DUSP19: variants seen among roughly 807,000 people sequenced by gnomAD.
DUSP19 encodes dual specificity phosphatase 19.
A neutral mutation model predicts 16.6 loss-of-function variants in DUSP19; 14 were observed. The ratio of observed to expected loss-of-function variants is 0.84; its 90% CI spans 0.56 to 1.32. The LOEUF (loss-of-function observed/expected upper bound fraction) is 1.32. DUSP19 is among the 40% of genes most tolerant of loss of function. DUSP19 has a pLI of 0.00. For missense variants in DUSP19, 258 were observed against 255.9 expected (o/e 1.01, Z -0.06); for synonymous variants, 81 against 90.5 (o/e 0.90, Z 0.59).
chr2:183,095,593 C>T lies in DUSP19; in HGVS notation c.589C>T (p.Leu197Phe). The change falls in exon 4 of 4, where the codon CTT becomes TTT. Residue 197 changes from leucine to phenylalanine, a missense_variant. Coordinates refer to ENST00000354221, the MANE Select transcript of DUSP19 (RefSeq NM_080876.4). ...ICPNSGFMEQLRTYQEGKESN... is the reference protein window; with the variant it reads ...ICPNSGFMEQFRTYQEGKESN... ...TCCAAATTCTGGCTTCATGGAGCAG[C>T]TTCGTACATATCAAGAGGGCAAAGA... 1 of 1,613,906 alleles carries T rather than the reference C, an allele frequency of 6.2e-7. No individual in the cohort carries two copies. The highest frequency in any genetic ancestry group is 1.1e-5 in the South Asian group (1 of 91,062).
chr2:183,090,065 T>C (rs1699713429), intron 3 of DUSP19, among the ~76,000 whole-genome samples: 1 of 152,246 alleles, frequency 6.6e-6, no homozygotes, highest in Non-Finnish European at 1.5e-5. Flanking sequence ...TGAGCCACCA[T>C]GCCTGGAAGG....
intron 1 of DUSP19, 63 bp downstream of exon 1, chr2:183,079,222 C>T: frequency 6.9e-7 from 1 of 1,458,598 alleles, no homozygotes; most frequent in Non-Finnish European, 9.4e-7. Context: ...TTCTCATTTT[C>T]CCCCTTTATG....
chr2:183,085,866 T>G (rs1328377527), intron 2 of DUSP19, among the ~76,000 whole-genome samples: 2 of 128,792 alleles, frequency 1.6e-5, no homozygotes, highest in African/African-American at 2.9e-5. Context: ...TTTTTTTTTT[T>G]TTTTTTTTTT....
chr2:183,082,209 T>G (rs937991661), intron 1 of DUSP19, among the ~76,000 whole-genome samples: 1 of 152,142 alleles, frequency 6.6e-6, no homozygotes, highest in Non-Finnish European at 1.5e-5. Flanking sequence ...TATCCTTTTT[T>G]AAGTTACAAA....
Position 183,097,758 on chromosome 2 carries a change from T to C in DUSP19, c.*2100T>C, listed in dbSNP as rs1699821975. On this transcript the variant is annotated 3_prime_UTR_variant, in exon 4 of 4. Transcript: ENST00000354221. Reference sequence around the variant, plus strand: ...AGCCTTCTCCTTTCATAAGAAAGGATGTATTTAAATACATTTTATTTTGCT... The same window carrying C: ...AGCCTTCTCCTTTCATAAGAAAGGACGTATTTAAATACATTTTATTTTGCT... 2 of 152,220 alleles carry C rather than the reference T, an allele frequency of 1.3e-5. No individual in the cohort carries two copies. Among genetic ancestry groups the C allele is most frequent in the East Asian group, 1.9e-4 (1 of 5,200 alleles). 9.4% of individuals were successfully genotyped at this position (152,220 alleles called of 1,614,324 possible). A position where few individuals can be genotyped will look rare whatever the true frequency, so the allele number is the denominator to read the frequency against.
intron 3 of DUSP19, among the ~76,000 whole-genome samples, chr2:183,093,334 T>A (rs570161531): frequency 1.0e-3 from 159 of 152,308 alleles, no homozygotes; most frequent in African/African-American, 3.7e-3. Flanking sequence ...AACTACTATA[T>A]GCCAAGAATT....
intron 3 of DUSP19, among the ~76,000 whole-genome samples, chr2:183,087,854 A>T (rs765746405): frequency 2.3e-4 from 35 of 152,232 alleles, no homozygotes; most frequent in Middle Eastern, 3.4e-3. Context: ...ACTCTGGCCT[A>T]CCTTCTCTCC....
In DUSP19 at chr2:183,098,022, G is replaced by C. The variant is rs191214987; in HGVS notation, c.*2364G>C. On this transcript the variant is annotated 3_prime_UTR_variant, in exon 4 of 4. Coordinates refer to ENST00000354221, the MANE Select transcript of DUSP19 (RefSeq NM_080876.4). ...TTCTCCTGTATCAGCCTCCCAAGTA[G>C]CTGGGATTATAGGCATGTGCCACCA... The C allele has an allele frequency of 2.0e-5, 3 of 152,328 alleles. No individual in the cohort carries two copies. Among genetic ancestry groups the C allele is most frequent in the Admixed American group, 2.0e-4 (3 of 15,286 alleles). 9.4% of individuals were successfully genotyped at this position (152,328 alleles called of 1,614,324 possible).
In DUSP19 at chr2:183,096,522, C is replaced by T. The variant is rs941310249; in HGVS notation, c.*864C>T. The T allele has an allele frequency of 4.6e-5, 7 of 151,896 alleles. No homozygotes were observed. Among genetic ancestry groups the T allele is most frequent in the Admixed American group, 3.9e-4 (6 of 15,230 alleles). The allele number at this position is 151,896 out of a possible 1,614,324, so 9.4% of individuals were successfully genotyped here. ...AAATACTGGGATTACAGGCGTGAGC[C>T]ACTGCATCCGACCTCATTTTGTTTT... On this transcript the variant is annotated 3_prime_UTR_variant, in exon 4 of 4. Coordinates refer to ENST00000354221, the MANE Select transcript of DUSP19 (RefSeq NM_080876.4).
Position 183,082,492 on chromosome 2 carries a change from T to C in DUSP19, c.227-1016T>C, listed in dbSNP as rs1242084416. Among the ~76,000 whole-genome samples the C allele has an allele frequency of 3.4e-5, 5 of 148,076 alleles. No homozygotes were observed. In the East Asian group the frequency reaches 8.1e-4, roughly 24 times the overall value. On this transcript the variant is annotated intron_variant, in intron 1 of 3. Transcript: ENST00000354221. ...AGGCTGGAGTGCAGTGGCACGATCT[T>C]GGCTCACTGCAACCTCTGCCTCCCA...
Position 183,095,625 on chromosome 2 carries a change from T to A in DUSP19, c.621T>A (p.Asn207Lys). 6.2e-7 allele frequency: 1 copy of A among 1,613,966 alleles called. No homozygotes were observed. Among genetic ancestry groups the A allele is most frequent in the East Asian group, 2.2e-5 (1 of 44,874 alleles). The change falls in exon 4 of 4, where the codon AAT becomes AAA. Residue 207 changes from asparagine (N) to lysine (K), a missense_variant. Physicochemically the swap from Asn to Lys is moderately conservative, Grantham distance 94. Coordinates refer to ENST00000354221, the MANE Select transcript of DUSP19 (RefSeq NM_080876.4). ...LRTYQEGKES[N>K]KCDRIQENSS The stretch of plus-strand genomic sequence containing the variant: ...CATATCAAGAGGGCAAAGAAAGCAA[T>A]AAGTGTGACAGAATACAGGAGAACA...
At chr2:183,081,887 TA>T (rs199715327) in intron 1 of DUSP19, among the ~76,000 whole-genome samples, 236 of 144,108 alleles carry the variant, frequency 1.6e-3, no homozygotes, top group African/African-American at 1.3e-3. Flanking sequence ...ATGGGTAACT[TA>T]AAAAAAAAAA....
Position 183,095,416 on chromosome 2 carries a change from T to G in DUSP19, c.427-15T>G, listed in dbSNP as rs1404523374. The G allele has an allele frequency of 4.2e-6, 4 of 961,964 alleles. No individual in the cohort carries two copies. Among genetic ancestry groups the G allele is most frequent in the Admixed American group, 3.0e-5 (1 of 33,108 alleles). 59.6% of individuals were successfully genotyped at this position (961,964 alleles called of 1,614,324 possible). A position where few individuals can be genotyped will look rare whatever the true frequency, so the allele number is the denominator to read the frequency against. ...AATGAATAATGAAGATTTTTGTTTG[T>G]TTTTTTTTTTGTAGGATGGAGTGGT... is the stretch of plus-strand genomic sequence containing the variant. On this transcript the variant is annotated splice_polypyrimidine_tract_variant and intron_variant, in intron 3 of 3. Coordinates refer to ENST00000354221, the MANE Select transcript of DUSP19 (RefSeq NM_080876.4).
At position 183,095,777 on chromosome 2, in the gene DUSP19, C is replaced by T; in HGVS notation, c.*119C>T. 1 of 697,990 alleles carries T rather than the reference C, an allele frequency of 1.4e-6. No homozygotes were observed. Among genetic ancestry groups the T allele is most frequent in the Non-Finnish European group, 2.3e-6 (1 of 428,664 alleles). The allele number at this position is 697,990 out of a possible 1,614,324, so 43.2% of individuals were successfully genotyped here. A position where few individuals can be genotyped will look rare whatever the true frequency, so the allele number is the denominator to read the frequency against. ...CCTTTTTTCTCTTGCCTTTTTTATG[C>T]ATAAATGGAGGTCAATTTGATTGTC... is the stretch of plus-strand genomic sequence containing the variant. On this transcript the variant is annotated 3_prime_UTR_variant, in exon 4 of 4. Transcript: ENST00000354221.
intron 1 of DUSP19, among the ~76,000 whole-genome samples, chr2:183,080,141 T>C (rs1296866582): frequency 3.9e-5 from 6 of 152,220 alleles, no homozygotes; most frequent in Non-Finnish European, 8.8e-5. Flanking sequence ...TGCTGTCCAT[T>C]GTTATACTAG....
Position 183,078,808 on chromosome 2 carries a change from G to C in DUSP19, c.-126G>C, listed in dbSNP as rs2105493379. The C allele has an allele frequency of 1.3e-6, 1 of 785,382 alleles. No individual in the cohort carries two copies. The highest frequency in any genetic ancestry group is 1.7e-5 in the African/African-American group (1 of 57,686). The allele number at this position is 785,382 out of a possible 1,614,324, so 48.7% of individuals were successfully genotyped here. On this transcript the variant is annotated 5_prime_UTR_variant, in exon 1 of 4. Coordinates refer to ENST00000354221, the MANE Select transcript of DUSP19 (RefSeq NM_080876.4). ...CAGTCTCTTGGTCTGTGGCTGCTGC[G>C]GTTACCTGGATGGGCGAGCACCTCT... is the stretch of plus-strand genomic sequence containing the variant.
rs1323232588 is a variant in DUSP19, at chr2:183,098,959, G to A, written c.*3301G>A. Reference sequence around the variant, plus strand: ...AGACAAATATTTCAGAGGAAGTGGAGTACAGTATTTAACATTTTGTTTGCA... The same window carrying A: ...AGACAAATATTTCAGAGGAAGTGGAATACAGTATTTAACATTTTGTTTGCA... On this transcript the variant is annotated 3_prime_UTR_variant, in exon 4 of 4. Coordinates refer to ENST00000354221, the MANE Select transcript of DUSP19 (RefSeq NM_080876.4). 6.6e-6 allele frequency: 1 copy of A among 152,066 alleles called. No individual in the cohort carries two copies. The highest frequency in any genetic ancestry group is 1.5e-5 in the Non-Finnish European group (1 of 67,964). 9.4% of individuals were successfully genotyped at this position (152,066 alleles called of 1,614,324 possible). A position where few individuals can be genotyped will look rare whatever the true frequency, so the allele number is the denominator to read the frequency against.
At chr2:183,092,117 C>T (rs1201296276) in intron 3 of DUSP19, among the ~76,000 whole-genome samples, 1 of 152,190 alleles carries the variant, frequency 6.6e-6, no homozygotes, top group African/African-American at 2.4e-5. Context: ...TCCCCCACCC[C>T]ACCCAAACGC....
chr2:183,093,578 C>T (rs1171183171), intron 3 of DUSP19, among the ~76,000 whole-genome samples: 1 of 152,076 alleles, frequency 6.6e-6, no homozygotes, highest in East Asian at 1.9e-4. Flanking sequence ...TCTGGAAATA[C>T]TTTCAAGGAC....
Sources: gnomAD v4.1 joint callset for allele counts (sites outside exome capture counted in the v4.1 genomes callset) on GRCh38, gnomAD v4.1.1 for gene constraint, MANE v1.5 for transcripts, NCBI Gene and HGNC (gene_info 2026-07-23, HGNC 2026-07-21) for gene names.